The following PPFIBP2 variants were observed in gnomAD, a reference collection of about 807,000 sequenced individuals.
PPFIBP2 encodes the protein PPFIB scaffold protein 2, also known as liprin-beta-2.
In PPFIBP2, 118 loss-of-function variants were observed where a neutral mutation model predicts 118.3. The observed-to-expected ratio is 1.00, with a 90% CI of 0.86 to 1.16. PPFIBP2 has a LOEUF of 1.16. Ranked by LOEUF, PPFIBP2 falls within the 50% of genes most tolerant of loss-of-function variation. The probability of loss-of-function intolerance (pLI) is 0.00; values close to 1 mark genes in which losing one functional copy is unlikely to be tolerated. For missense variants in PPFIBP2, 1,195 were observed against 1,073.1 expected (o/e 1.11, Z -1.59); for synonymous variants, 414 against 397.4 (o/e 1.04, Z -0.50).
intron 1 of PPFIBP2, among the ~76,000 whole-genome samples, chr11:7,548,898 A>G (rs574697454): frequency 2.6e-5 from 4 of 152,184 alleles, no homozygotes; most frequent in East Asian, 3.9e-4. Flanking sequence ...CCCTTTCCCA[A>G]TTGGAGGAGT....
chr11:7,560,355 T>A lies in PPFIBP2; in HGVS notation c.65-5198T>A, dbSNP rs141500686. Reference sequence around the variant, plus strand: ...AACAAATTTAAAGTTTAAAACAAATTGTTATAAAAGTAATGAAAATTAATA... The same window carrying A: ...AACAAATTTAAAGTTTAAAACAAATAGTTATAAAAGTAATGAAAATTAATA... On this transcript the variant is annotated intron_variant, in intron 2 of 23. Transcript: ENST00000299492. 1.6e-3 allele frequency among the ~76,000 whole-genome samples: 237 copies of A among 152,318 alleles called. 2 individuals carry two copies. The highest frequency in any genetic ancestry group is 3.9e-3 in the South Asian group (19 of 4,828).
intron 11 of PPFIBP2, chr11:7,631,375 G>A (rs1850738819): frequency 4.6e-6 from 1 of 215,944 alleles, no homozygotes; most frequent in African/African-American, 2.2e-5. Context: ...AAGGTCTGCA[G>A]TAATGCCCGA....
chr11:7,525,258 T>C (rs1850122496), intron 1 of PPFIBP2, among the ~76,000 whole-genome samples: 1 of 152,218 alleles, frequency 6.6e-6, no homozygotes, highest in Admixed American at 6.5e-5. Flanking sequence ...TCCGTACCTC[T>C]TTGAGCTTTA....
Position 7,653,033 on chromosome 11 carries a change from C to G in PPFIBP2, c.2446C>G (p.Leu816Val), listed in dbSNP as rs1044789406. 6.2e-7 allele frequency: 1 copy of G among 1,608,130 alleles called. No individual in the cohort carries two copies. Among genetic ancestry groups the G allele is most frequent in the Non-Finnish European group, 8.5e-7 (1 of 1,175,508 alleles). Residue 816 changes from leucine to valine, a missense_variant, in exon 24 of 24, where the codon CTA (leucine) becomes GTA (valine). By Grantham distance (32) the Leu-to-Val change is conservative. Coordinates refer to ENST00000299492, the MANE Select transcript of PPFIBP2 (RefSeq NM_003621.5). ...TTTAKVRPRK[L>V]GFSHFGNIRK... ...ATTTTCTGTGTTTTAGCCAAGGAAA[C>G]TAGGATTTTCACACTTCGGAAACAT...
At chr11:7,569,505 C>T (rs183458285) in intron 3 of PPFIBP2, among the ~76,000 whole-genome samples, 1 of 152,218 alleles carries the variant, frequency 6.6e-6, no homozygotes, top group Non-Finnish European at 1.5e-5. Flanking sequence ...GGGATACCCT[C>T]TGGGGCCTCA....
At chr11:7,641,413 TTG>T in intron 15 of PPFIBP2, 64 bp from the exon 16 acceptor site, 1 of 1,564,064 alleles carries the variant, frequency 6.4e-7, no homozygotes, top group Non-Finnish European at 8.7e-7. Flanking sequence ...GGGCCCAGGC[TTG>T]GGGAAGAAGG....
intron 1 of PPFIBP2, among the ~76,000 whole-genome samples, chr11:7,534,140 C>T (rs866147099): frequency 3.9e-5 from 6 of 152,114 alleles, no homozygotes; most frequent in African/African-American, 1.4e-4. Flanking sequence ...GAAAGAGCAC[C>T]AAATGAGTCA....
At chr11:7,568,258 G>A (rs935323768) in intron 3 of PPFIBP2, among the ~76,000 whole-genome samples, 3 of 152,172 alleles carry the variant, frequency 2.0e-5, no homozygotes, top group Non-Finnish European at 2.9e-5. Context: ...GACAGTCCCA[G>A]GGTTAAATAA....
At chr11:7,570,030 C>T (rs937145005) in intron 3 of PPFIBP2, among the ~76,000 whole-genome samples, 3 of 152,182 alleles carry the variant, frequency 2.0e-5, no homozygotes, top group Non-Finnish European at 4.4e-5. Flanking sequence ...CATGTGGTAC[C>T]TGGCCCAGGC....
intron 2 of PPFIBP2, among the ~76,000 whole-genome samples, chr11:7,565,318 T>C (rs1055900069): frequency 3.3e-5 from 5 of 152,232 alleles, no homozygotes; most frequent in African/African-American, 1.2e-4. Context: ...TGGAGAGTAG[T>C]GACTATTCGC....
intron 2 of PPFIBP2, among the ~76,000 whole-genome samples, chr11:7,564,880 C>T (rs1215359592): frequency 2.0e-5 from 3 of 152,178 alleles, no homozygotes; most frequent in Non-Finnish European, 4.4e-5. Flanking sequence ...AGAGTCACTT[C>T]CACTGCTTTC....
intron 1 of PPFIBP2, among the ~76,000 whole-genome samples, chr11:7,540,864 T>C (rs1851703554): frequency 6.6e-6 from 1 of 152,182 alleles, no homozygotes. Flanking sequence ...GGGACAGCTG[T>C]AGGCATGGGC....
intron 4 of PPFIBP2, chr11:7,597,195 G>A: frequency 6.7e-7 from 1 of 1,482,532 alleles, no homozygotes; most frequent in Admixed American, 2.2e-5. Flanking sequence ...GGTTGCAGAA[G>A]TGCTGGCAAG....
At chr11:7,641,698 C>G in intron 16 of PPFIBP2, 78 bp downstream of exon 16, 2 of 1,407,622 alleles carry the variant, frequency 1.4e-6, no homozygotes, top group South Asian at 1.3e-5. Flanking sequence ...ATGTAAGCCC[C>G]TGGTCCAATA....
chr11:7,633,389 A>G lies in PPFIBP2; in HGVS notation c.1136+455A>G, dbSNP rs143028606. The stretch of plus-strand genomic sequence containing the variant: ...TAAGGATGCTTCACAACAATGAACT[A>G]ATAATGGGCTCGCCTCTGAGGTCAT... On this transcript the variant is annotated intron_variant, in intron 12 of 23. Transcript: ENST00000299492. 3.7e-3 allele frequency among the ~76,000 whole-genome samples: 570 copies of G among 152,356 alleles called. 4 individuals are homozygous for G. The highest frequency in any genetic ancestry group is 0.013 in the African/African-American group (541 of 41,586).
intron 6 of PPFIBP2, among the ~76,000 whole-genome samples, chr11:7,613,840 A>T (rs77270866): frequency 0.015 from 2,338 of 152,344 alleles, 63 homozygotes; most frequent in African/African-American, 0.054. Context: ...AGAAGGGAGC[A>T]GGGACCCCAG....
intron 1 of PPFIBP2, among the ~76,000 whole-genome samples, chr11:7,535,346 A>G (rs12791447): frequency 0.068 from 10,427 of 152,290 alleles, 518 homozygotes; most frequent in Admixed American, 0.16. Context: ...ACAAAGGCAC[A>G]GTGGCATAAG....
In PPFIBP2 at chr11:7,634,506, A is replaced by G. The variant is rs959214027; in HGVS notation, c.1148A>G (p.Lys383Arg). 8.1e-6 allele frequency: 13 copies of G among 1,612,428 alleles called. No homozygotes were observed. Among genetic ancestry groups the G allele is most frequent in the African/African-American group, 1.3e-5 (1 of 74,828 alleles). ...QKSLETRAQK[K>R]LSCSLEDLRS... Reference sequence around the variant, plus strand: ...TGTGTTTTTTTCAGGGCTCAGAAAAAGCTCTCTTGTAGTCTAGAAGACTTG... The same window carrying G: ...TGTGTTTTTTTCAGGGCTCAGAAAAGGCTCTCTTGTAGTCTAGAAGACTTG... Residue 383 changes from lysine (K) to arginine (R), a missense_variant, in exon 13 of 24, where the codon AAG becomes AGG. Transcript: ENST00000299492.
chr11:7,587,535 C>T (rs552550718), intron 3 of PPFIBP2, among the ~76,000 whole-genome samples: 26 of 152,324 alleles, frequency 1.7e-4, no homozygotes, highest in African/African-American at 2.4e-5. Context: ...CAAGAGGGAA[C>T]CAACAGGAAG....
Sources: allele counts gnomAD v4.1 joint callset (sites outside exome capture counted in the v4.1 genomes callset), GRCh38; gene constraint gnomAD v4.1.1; transcripts MANE v1.5; gene names NCBI Gene and HGNC (gene_info 2026-07-23, HGNC 2026-07-21).